The following SERAC1 variants were observed in gnomAD, a reference collection of about 807,000 sequenced individuals.
SERAC1 encodes protein SERAC1.
Under a neutral mutation model 85.7 loss-of-function variants are expected in SERAC1, and 36 were observed. The ratio of observed to expected loss-of-function variants is 0.42; its 90% CI spans 0.32 to 0.55. The LOEUF is 0.55. SERAC1 is among the 20% of genes least tolerant of loss of function. The probability of loss-of-function intolerance (pLI) is 0.11; values close to 1 mark genes in which losing one functional copy is unlikely to be tolerated. For missense variants in SERAC1, 629 were observed against 796.2 expected (o/e 0.79, Z 2.53); for synonymous variants, 242 against 265.3 (o/e 0.91, Z 0.85).
rs765711096 is a variant in SERAC1, at chr6:158,113,463, G to C, written c.1814C>G (p.Pro605Arg). Residue 605 changes from proline (P) to arginine (R), a missense_variant, in exon 16 of 17, where the codon CCT (proline) becomes CGT (arginine). Physicochemically the swap from Pro to Arg is moderately radical, Grantham distance 103. Transcript: ENST00000647468. ...IGSMIKLHVV[P>R]VESADLGIGD... The stretch of plus-strand genomic sequence containing the variant: ...AGAGTGAATACCTGCTGATTCCACA[G>C]GTACCACATGGAGCTTAATCATGCT... The C allele has an allele frequency of 3.1e-6, 5 of 1,612,926 alleles. No homozygotes were observed. The highest frequency in any genetic ancestry group is 4.2e-6 in the Non-Finnish European group (5 of 1,179,328).
chr6:158,152,801 G>C (rs1219466805), intron 3 of SERAC1: 3 of 152,198 alleles, frequency 2.0e-5, no homozygotes, highest in Non-Finnish European at 4.4e-5. Context: ...GAGCCTAGGA[G>C]CAACAGGCTG....
intron 10 of SERAC1, among the ~76,000 whole-genome samples, chr6:158,127,451 A>T: frequency 7.8e-5 from 1 of 12,808 alleles, no homozygotes; most frequent in Non-Finnish European, 1.6e-4. Flanking sequence ...CCCTACTGGG[A>T]AGTGAGGAGC....
chr6:158,159,771 C>T (rs1007196631), intron 1 of SERAC1, among the ~76,000 whole-genome samples: 1 of 151,852 alleles, frequency 6.6e-6, no homozygotes, highest in Admixed American at 6.6e-5. Context: ...ACTACAGGTG[C>T]CCACCACCAC....
At chr6:158,132,807 T>G (rs1015438453) in intron 8 of SERAC1, among the ~76,000 whole-genome samples, 1 of 152,198 alleles carries the variant, frequency 6.6e-6, no homozygotes, top group Admixed American at 6.5e-5. Context: ...TTGTATGGAT[T>G]ATATTCTAAA....
intron 8 of SERAC1, among the ~76,000 whole-genome samples, chr6:158,130,846 A>T (rs190059223): frequency 2.0e-4 from 30 of 152,312 alleles, no homozygotes; most frequent in Non-Finnish European, 4.4e-4. Flanking sequence ...TATTTTCCAG[A>T]TTCTGCTAAT....
At chr6:158,164,471 T>A (rs1785553713) in intron 1 of SERAC1, among the ~76,000 whole-genome samples, 1 of 151,924 alleles carries the variant, frequency 6.6e-6, no homozygotes, top group African/African-American at 2.4e-5. Context: ...CGAGACTCCA[T>A]CTCAAAAAAA....
chr6:158,159,531 T>G (rs1386284819), intron 1 of SERAC1, among the ~76,000 whole-genome samples: 1 of 151,710 alleles, frequency 6.6e-6, no homozygotes, highest in Non-Finnish European at 1.5e-5. Context: ...GACTATAAAT[T>G]ATCCCTCTAA....
At chr6:158,126,945 C>T (rs1784552334) in intron 10 of SERAC1, among the ~76,000 whole-genome samples, 1 of 151,648 alleles carries the variant, frequency 6.6e-6, no homozygotes, top group Admixed American at 6.6e-5. Context: ...CCCAGCTACT[C>T]GGGAGGCTGA....
At chr6:158,145,160 C>T (rs900775919) in intron 6 of SERAC1, 3 of 152,246 alleles carry the variant, frequency 2.0e-5, no homozygotes, top group Non-Finnish European at 4.4e-5. Context: ...AGGAAAATAG[C>T]TTGAACCCAG....
chr6:158,145,431 AC>A (rs1380506702), intron 6 of SERAC1: 1 of 152,144 alleles, frequency 6.6e-6, no homozygotes, highest in Non-Finnish European at 1.5e-5. Flanking sequence ...GCTTATACTT[AC>A]ATTATAAATT....
intron 2 of SERAC1, among the ~76,000 whole-genome samples, chr6:158,156,881 T>G (rs1449580311): frequency 7.6e-6 from 1 of 130,940 alleles, no homozygotes; most frequent in East Asian, 2.1e-4. Context: ...TTTATATAGA[T>G]ATTAATATAT....
intron 1 of SERAC1, among the ~76,000 whole-genome samples, chr6:158,163,732 G>T (rs1382745755): frequency 6.6e-6 from 1 of 151,976 alleles, no homozygotes; most frequent in Non-Finnish European, 1.5e-5. Flanking sequence ...TAGGTTTTTT[G>T]TTGTTTTTTG....
chr6:158,163,381 T>C (rs1785527754), intron 1 of SERAC1, among the ~76,000 whole-genome samples: 1 of 152,204 alleles, frequency 6.6e-6, no homozygotes, highest in Admixed American at 6.5e-5. Flanking sequence ...AATAGATGAA[T>C]ACACTATAAA....
At chr6:158,167,223 T>TAAAAAAAAAAAAA (rs34350104) in intron 1 of SERAC1, among the ~76,000 whole-genome samples, 1 of 101,838 alleles carries the variant, frequency 9.8e-6, no homozygotes, top group African/African-American at 4.0e-5. Context: ...CACACGATGT[T>TAAAAAAAAAAAAA]AAAAAAAAAA....
chr6:158,138,102 A>C (rs940660426), intron 8 of SERAC1, among the ~76,000 whole-genome samples: 1 of 152,138 alleles, frequency 6.6e-6, no homozygotes, highest in Non-Finnish European at 1.5e-5. Flanking sequence ...GTAACTCTTT[A>C]AACTACTGGC....
Position 158,168,221 on chromosome 6 carries a change from C to G in SERAC1, c.-83G>C, listed in dbSNP as rs1785658679. Reference sequence around the variant, plus strand: ...GGAGCCCTACTCTTTCCGCGGCTCCCGGCCGGGACCCTCCACCCGGCGGCT... The same window carrying G: ...GGAGCCCTACTCTTTCCGCGGCTCCGGGCCGGGACCCTCCACCCGGCGGCT... On this transcript the variant is annotated 5_prime_UTR_variant, in exon 1 of 17. Transcript: ENST00000647468. The G allele has an allele frequency of 6.6e-6, 1 of 152,312 alleles. No homozygotes were observed. The highest frequency in any genetic ancestry group is 1.5e-5 in the Non-Finnish European group (1 of 68,126). 9.4% of individuals were successfully genotyped at this position (152,312 alleles called of 1,614,324 possible).
At chr6:158,118,966 CACAATCAGGGCCCCA>C (rs1387809817) in intron 12 of SERAC1, 48 bp downstream of exon 12, 105 of 1,544,762 alleles carry the variant, frequency 6.8e-5, no homozygotes, top group Non-Finnish European at 8.4e-5. Context: ...ACAAGCAAGC[CACAATCAGGGCCCCA>C]GCAACCAGGG....
In SERAC1 at chr6:158,117,704, T is replaced by C. The variant is rs747696923; in HGVS notation, c.1403+23A>G. ...CGGCCTGAATTCTTCCCTGTCCTCC[T>C]GGTCTAAAGTCGCCTCTGTTACCTT... On this transcript the variant is annotated intron_variant, in intron 13 of 16. Transcript: ENST00000647468. This position sits in a 1 kb window ranked among gnomAD's most constrained non-coding sequence, Gnocchi z 4.3. 50 of 1,613,190 alleles carry C rather than the reference T, an allele frequency of 3.1e-5. No homozygotes were observed. Among genetic ancestry groups the C allele is most frequent in the Non-Finnish European group, 4.2e-5 (49 of 1,179,312 alleles).
At chr6:158,162,582 A>G (rs948230681) in intron 1 of SERAC1, among the ~76,000 whole-genome samples, 2 of 152,200 alleles carry the variant, frequency 1.3e-5, no homozygotes, top group Admixed American at 6.5e-5. Flanking sequence ...TGATACTCCT[A>G]TTAGATGTAT....
Sources: allele counts gnomAD v4.1 joint callset (sites outside exome capture counted in the v4.1 genomes callset), GRCh38; gene constraint gnomAD v4.1.1; non-coding constraint Gnocchi (gnomAD v3.1); transcripts MANE v1.5; gene names NCBI Gene and HGNC (gene_info 2026-07-23, HGNC 2026-07-21).